Variants in ECSIT observed in about 807,000 individuals in gnomAD.
ECSIT encodes ECSIT signaling integrator, also known as evolutionarily conserved signaling intermediate in Toll pathway, mitochondrial.
Under a neutral mutation model 36.8 loss-of-function variants are expected in ECSIT, and 29 were observed. That is an observed-to-expected ratio of 0.79 (90% CI 0.59 to 1.08). The LOEUF is 1.08. ECSIT is among the 50% of genes least tolerant of loss of function. The pLI, the probability that ECSIT is intolerant of heterozygous loss-of-function variation, is 0.00. For missense variants in ECSIT, 542 were observed against 581.0 expected (o/e 0.93, Z 0.69); for synonymous variants, 231 against 234.8 (o/e 0.98, Z 0.15).
At position 11,506,521 on chromosome 19, in the gene ECSIT, T is replaced by C; in HGVS notation, c.1052-93A>G. 4.4e-6 allele frequency: 5 copies of C among 1,128,870 alleles called. No homozygotes were observed. In the South Asian group the frequency reaches 5.5e-5, roughly 12 times the overall value. 69.9% of individuals were successfully genotyped at this position (1,128,870 alleles called of 1,614,324 possible). On this transcript the variant is annotated intron_variant, in intron 7 of 7. Coordinates refer to ENST00000270517, the MANE Select transcript of ECSIT (RefSeq NM_016581.5). Reference sequence around the variant, plus strand: ...CTTTTTGAGGTATTTTACACTCCCTTCCACTTCCTTTTTTTTTTTTTTTTT... The same window carrying C: ...CTTTTTGAGGTATTTTACACTCCCTCCCACTTCCTTTTTTTTTTTTTTTTT...
At position 11,513,160 on chromosome 19, in the gene ECSIT, G is replaced by C. The variant is rs1599580081; in HGVS notation, c.634C>G (p.Pro212Ala). 6.2e-7 allele frequency: 1 copy of C among 1,614,186 alleles called. No individual in the cohort carries two copies. Among genetic ancestry groups the C allele is most frequent in the East Asian group, 2.2e-5 (1 of 44,866 alleles). ...GGCAGGTCCCGGGGCACTGGGAAGG[G>C]GTTGACGTTCATGAATCGAGGGAAC... Reference protein sequence around the residue: ...LWFPRFMNVNPFPVPRDLPQD... With the variant: ...LWFPRFMNVNAFPVPRDLPQD... The change falls in exon 4 of 8, where the codon CCC (proline) becomes GCC (alanine). Residue 212 changes from proline (P) to alanine (A), a missense_variant. Coordinates refer to ENST00000270517, the MANE Select transcript of ECSIT (RefSeq NM_016581.5).
At chr19:11,522,446 G>T in intron 1 of ECSIT, 1 of 1,459,038 alleles carries the variant, frequency 6.9e-7, no homozygotes. Flanking sequence ...CAGGTCCTGC[G>T]CCATCAGCAC....
At chr19:11,527,587 T>C (rs1161500013) in intron 1 of ECSIT, among the ~76,000 whole-genome samples, 1 of 152,114 alleles carries the variant, frequency 6.6e-6, no homozygotes, top group Non-Finnish European at 1.5e-5. Context: ...AGACTGAGGC[T>C]GGAGGATCCT....
rs147544850 is a variant in ECSIT, at chr19:11,527,586, C to A, written c.-24+1476G>T. Among the ~76,000 whole-genome samples, 98 of 152,206 alleles carry A rather than the reference C, an allele frequency of 6.4e-4. No homozygotes were observed. The East Asian group carries it at 0.017, about 27-fold the overall frequency. ...ATCTCAGGTACTCAGGAGACTGAGGCTGGAGGATCCTTTAAGGTCAGTAGT... is the reference window on the plus strand; with the variant it reads ...ATCTCAGGTACTCAGGAGACTGAGGATGGAGGATCCTTTAAGGTCAGTAGT... On this transcript the variant is annotated intron_variant, in intron 1 of 7. Transcript: ENST00000270517.
At chr19:11,510,893 C>T (rs757675680) in intron 4 of ECSIT, among the ~76,000 whole-genome samples, 12 of 152,016 alleles carry the variant, frequency 7.9e-5, no homozygotes, top group Non-Finnish European at 1.3e-4. Context: ...GCAGATTCTT[C>T]CAGAAACATG....
intron 1 of ECSIT, among the ~76,000 whole-genome samples, chr19:11,527,995 G>A (rs1972250217): frequency 6.6e-6 from 1 of 152,110 alleles, no homozygotes; most frequent in Admixed American, 6.6e-5. Flanking sequence ...GTGAGATCCT[G>A]TCTCTAAAAA....
chr19:11,509,911 C>T (rs1235105436), intron 4 of ECSIT, among the ~76,000 whole-genome samples: 1 of 151,708 alleles, frequency 6.6e-6, no homozygotes, highest in East Asian at 1.9e-4. Context: ...CTCTTGTTGC[C>T]CAGGCTGGAG....
intron 1 of ECSIT, chr19:11,523,513 C>T: frequency 1.8e-6 from 2 of 1,100,864 alleles, no homozygotes; most frequent in South Asian, 2.7e-5. Context: ...AGACCGCCCT[C>T]ATCCACGATG....
intron 4 of ECSIT, among the ~76,000 whole-genome samples, chr19:11,511,004 GCCCC>G (rs748770318): frequency 7.3e-5 from 11 of 150,066 alleles, no homozygotes; most frequent in Non-Finnish European, 1.6e-4. Context: ...TTAATCAGGT[GCCCC>G]CACTCACTGC....
chr19:11,511,850 T>C (rs1186022804), intron 4 of ECSIT, among the ~76,000 whole-genome samples: 1 of 151,942 alleles, frequency 6.6e-6, no homozygotes, highest in Non-Finnish European at 1.5e-5. Context: ...CTGGCCAACA[T>C]GGTAAAACCC....
In ECSIT at chr19:11,506,412, GA is replaced by G; in HGVS notation, c.1067del (p.Val356AlafsTer118). ...GAGCACCCGCCATGCACATGGCGAA[GA>G]CAGGGCCTTCCTCCACTGTTGGAAG... Reference protein sequence around the residue: ...FDINEVEEGPVFAMCMAGAHD... With the variant: ...FDINEVEEGPXFAMCMAGAHD... On this transcript the variant is annotated frameshift_variant, in exon 8 of 8. Coordinates refer to ENST00000270517, the MANE Select transcript of ECSIT (RefSeq NM_016581.5). LOFTEE classifies it low-confidence loss of function (END_TRUNC). The G allele has an allele frequency of 6.2e-7, 1 of 1,612,502 alleles. No homozygotes were observed. The highest frequency in any genetic ancestry group is 8.5e-7 in the Non-Finnish European group (1 of 1,179,094).
chr19:11,521,290 T>A (rs1972097714), intron 1 of ECSIT, among the ~76,000 whole-genome samples: 1 of 152,188 alleles, frequency 6.6e-6, no homozygotes, highest in Non-Finnish European at 1.5e-5. Flanking sequence ...GGGTATATAC[T>A]TAGGAGTCAA....
intron 4 of ECSIT, among the ~76,000 whole-genome samples, chr19:11,512,846 G>A (rs781034316): frequency 6.6e-6 from 1 of 152,154 alleles, no homozygotes; most frequent in Non-Finnish European, 1.5e-5. Flanking sequence ...AGGAGGCTGA[G>A]GTGGAAAGAT....
At chr19:11,526,659 A>AG (rs1225611227) in intron 1 of ECSIT, among the ~76,000 whole-genome samples, 1 of 151,356 alleles carries the variant, frequency 6.6e-6, no homozygotes, top group Non-Finnish European at 1.5e-5. Flanking sequence ...ATACCTATCA[A>AG]GCCTCCCACT....
chr19:11,522,614 T>TG, intron 1 of ECSIT: 1 of 549,230 alleles, frequency 1.8e-6, no homozygotes, highest in Non-Finnish European at 3.2e-6. Context: ...CTCAGGAGGC[T>TG]GAGGTGGGAG....
intron 2 of ECSIT, among the ~76,000 whole-genome samples, chr19:11,515,805 T>C (rs944639969): frequency 1.3e-5 from 2 of 152,208 alleles, no homozygotes; most frequent in Non-Finnish European, 2.9e-5. Flanking sequence ...AGTTAACTTT[T>C]GTATTTTTAG....
chr19:11,506,079 G>C lies in ECSIT; in HGVS notation c.*105C>G. 2 of 1,506,666 alleles carry C rather than the reference G, an allele frequency of 1.3e-6. No homozygotes were observed. The highest frequency in any genetic ancestry group is 1.8e-6 in the Non-Finnish European group (2 of 1,122,930). The allele number at this position is 1,506,666 out of a possible 1,614,324, so 93.3% of individuals were successfully genotyped here. On this transcript the variant is annotated 3_prime_UTR_variant, in exon 8 of 8. Coordinates refer to ENST00000270517, the MANE Select transcript of ECSIT (RefSeq NM_016581.5). ...ATACTGCTAGAGATGAGGGAAGAGA[G>C]CCCCAAGCAGGAAAACATTGATTTG...
intron 1 of ECSIT, among the ~76,000 whole-genome samples, chr19:11,528,488 TTCCCGA>T (rs1374679790): frequency 3.9e-5 from 6 of 152,330 alleles, no homozygotes; most frequent in African/African-American, 1.2e-4. Context: ...TCAAGCGAAA[TTCCCGA>T]CACCATTAAC....
chr19:11,525,930 A>C (rs1972207017), intron 1 of ECSIT, among the ~76,000 whole-genome samples: 1 of 151,030 alleles, frequency 6.6e-6, no homozygotes, highest in East Asian at 2.0e-4. Context: ...AAAAAGCAAA[A>C]TCTCGGCCCT....
Sources: gnomAD v4.1 joint callset for allele counts (sites outside exome capture counted in the v4.1 genomes callset) on GRCh38, gnomAD v4.1.1 for gene constraint, MANE v1.5 for transcripts, NCBI Gene and HGNC (gene_info 2026-07-23, HGNC 2026-07-21) for gene names.